Variants in MAPKAP1 observed in about 807,000 individuals in gnomAD.
MAPKAP1 encodes the protein MAPK associated protein 1.
MAPKAP1 carries 20 observed loss-of-function variants against 65.7 expected under a neutral mutation model. The ratio of observed to expected loss-of-function variants is 0.30; its 90% CI spans 0.21 to 0.44. MAPKAP1 has a LOEUF of 0.44. MAPKAP1 is among the 20% of genes least tolerant of loss of function. MAPKAP1 has a pLI of 1.00. For synonymous variants in MAPKAP1, 222 were observed against 244.3 expected, an observed-to-expected ratio of 0.91 and a Z score of 0.85; for missense variants, 423 against 648.0, an observed-to-expected ratio of 0.65 and a Z score of 3.77.
At chr9:125,451,189 T>C (rs1264572588) in intron 10 of MAPKAP1, 1 of 152,222 alleles carries the variant, frequency 6.6e-6, no homozygotes, top group Non-Finnish European at 1.5e-5. Flanking sequence ...ATCGAAAACA[T>C]TCTTGCTAAG....
chr9:125,619,045 ATTGT>A (rs1244035388), intron 4 of MAPKAP1, among the ~76,000 whole-genome samples: 1 of 152,158 alleles, frequency 6.6e-6, no homozygotes, highest in East Asian at 1.9e-4. Flanking sequence ...AGGTGGGAAG[ATTGT>A]TTGAGCCCAG....
chr9:125,620,916 T>G (rs1213662883), intron 4 of MAPKAP1, among the ~76,000 whole-genome samples: 2 of 152,188 alleles, frequency 1.3e-5, no homozygotes, highest in South Asian at 2.1e-4. Context: ...TTTACATTTT[T>G]GAACCATACA....
At chr9:125,647,935 T>A (rs866515999) in intron 4 of MAPKAP1, among the ~76,000 whole-genome samples, 893 of 25,330 alleles carry the variant, frequency 0.035, 14 homozygotes, top group African/African-American at 0.12. Flanking sequence ...TCCCAATATC[T>A]TTTTTTTTTT....
chr9:125,565,668 A>T, intron 5 of MAPKAP1: 1 of 412,378 alleles, frequency 2.4e-6, no homozygotes, highest in South Asian at 1.9e-5. Flanking sequence ...TTTCTCCAAA[A>T]CCCCTCAGGA....
intron 1 of MAPKAP1, among the ~76,000 whole-genome samples, chr9:125,701,528 T>C (rs1835597388): frequency 6.6e-6 from 1 of 152,196 alleles, no homozygotes; most frequent in Non-Finnish European, 1.5e-5. Flanking sequence ...TGGCTGTTAG[T>C]GGTATCCGCA....
chr9:125,517,083 G>A (rs1426094090), intron 7 of MAPKAP1, among the ~76,000 whole-genome samples: 1 of 152,280 alleles, frequency 6.6e-6, no homozygotes, highest in East Asian at 1.9e-4. Context: ...GTTAAGTCAT[G>A]TACCCACGGT....
chr9:125,695,705 T>C (rs973690470), intron 1 of MAPKAP1, among the ~76,000 whole-genome samples: 4 of 152,062 alleles, frequency 2.6e-5, no homozygotes, highest in Non-Finnish European at 4.4e-5. Context: ...CATGCTTAAC[T>C]GTACAAGCTG....
intron 3 of MAPKAP1, among the ~76,000 whole-genome samples, chr9:125,667,943 A>T (rs969978507): frequency 2.0e-5 from 3 of 152,218 alleles, no homozygotes; most frequent in Non-Finnish European, 4.4e-5. Flanking sequence ...CATTAACTTG[A>T]TCAACAGAAG....
chr9:125,578,876 T>G (rs547297715), intron 5 of MAPKAP1, among the ~76,000 whole-genome samples: 2 of 152,210 alleles, frequency 1.3e-5, no homozygotes, highest in Non-Finnish European at 2.9e-5. Context: ...ATTGACTTAA[T>G]AAGTATATAT....
chr9:125,511,164 CCATCATCATCATCATCATCATCATCAT>C (rs3051230), intron 7 of MAPKAP1, among the ~76,000 whole-genome samples: 1 of 146,968 alleles, frequency 6.8e-6, no homozygotes, highest in Non-Finnish European at 1.5e-5. Flanking sequence ...ATCATCATCA[CCATCATCATCATCATCATCATCATCAT>C]CATCATCATC....
At chr9:125,558,959 A>G (rs1247582776) in intron 6 of MAPKAP1, among the ~76,000 whole-genome samples, 2 of 152,234 alleles carry the variant, frequency 1.3e-5, no homozygotes, top group Non-Finnish European at 2.9e-5. Context: ...AGATTTCTCA[A>G]ATACCATTTA....
intron 7 of MAPKAP1, among the ~76,000 whole-genome samples, chr9:125,532,633 TAGG>T (rs1280448557): frequency 6.6e-6 from 1 of 152,182 alleles, no homozygotes; most frequent in African/African-American, 2.4e-5. Flanking sequence ...CAGAAACTTC[TAGG>T]AGTTTACTCA....
intron 8 of MAPKAP1, among the ~76,000 whole-genome samples, chr9:125,486,185 TA>T (rs1854495762): frequency 6.6e-6 from 1 of 152,258 alleles, no homozygotes; most frequent in South Asian, 2.1e-4. Flanking sequence ...GAAGGTCTTA[TA>T]ATTTTCCATA....
intron 8 of MAPKAP1, among the ~76,000 whole-genome samples, chr9:125,491,768 C>T (rs1284725297): frequency 6.7e-6 from 1 of 150,218 alleles, no homozygotes; most frequent in African/African-American, 2.4e-5. Flanking sequence ...TGACAGAGAC[C>T]CTATCTCAAA....
At chr9:125,651,239 C>G (rs913696005) in intron 4 of MAPKAP1, among the ~76,000 whole-genome samples, 1 of 152,222 alleles carries the variant, frequency 6.6e-6, no homozygotes, top group Non-Finnish European at 1.5e-5. Flanking sequence ...GAAAGGAAGA[C>G]TAGCAAAATA....
intron 5 of MAPKAP1, chr9:125,567,570 AG>A (rs2131527984): frequency 6.6e-6 from 1 of 152,386 alleles, no homozygotes; most frequent in Non-Finnish European, 1.5e-5. Flanking sequence ...GGCAACCAGC[AG>A]CTCCCGGGGC....
chr9:125,541,116 G>C (rs1035714234), intron 7 of MAPKAP1, among the ~76,000 whole-genome samples: 2 of 152,176 alleles, frequency 1.3e-5, no homozygotes, highest in Admixed American at 6.5e-5. Flanking sequence ...AATAAATAAC[G>C]CAGATCACTG....
chr9:125,658,337 A>G (rs185088266), intron 3 of MAPKAP1, among the ~76,000 whole-genome samples: 10 of 152,370 alleles, frequency 6.6e-5, no homozygotes, highest in Admixed American at 3.3e-4. Context: ...GATATTTATA[A>G]TAACAGTAGC....
chr9:125,688,301 G>A (rs1835050571), intron 1 of MAPKAP1, among the ~76,000 whole-genome samples: 1 of 152,028 alleles, frequency 6.6e-6, no homozygotes, highest in Admixed American at 6.6e-5. Context: ...ACCACACCCT[G>A]CTAATTTTGT....
Sources: allele counts gnomAD v4.1 joint callset (sites outside exome capture counted in the v4.1 genomes callset), GRCh38; gene constraint gnomAD v4.1.1; transcripts MANE v1.5; gene names NCBI Gene and HGNC (gene_info 2026-07-23, HGNC 2026-07-21).